The following TMEM108 variants were observed in gnomAD, a reference collection of about 807,000 sequenced individuals.
TMEM108 encodes the protein cancer/testis antigen 124.
A neutral mutation model predicts 35.1 loss-of-function variants in TMEM108; 12 were observed. The observed-to-expected ratio is 0.34, with a 90% CI of 0.22 to 0.55. The LOEUF (loss-of-function observed/expected upper bound fraction) is 0.55. TMEM108 is among the 20% of genes least tolerant of loss of function. The pLI, the probability that TMEM108 is intolerant of heterozygous loss-of-function variation, is 0.89. For synonymous variants in TMEM108, 287 were observed against 308.6 expected, an observed-to-expected ratio of 0.93 and a Z score of 0.73; for missense variants, 680 against 753.3, an observed-to-expected ratio of 0.90 and a Z score of 1.14.
In TMEM108 at chr3:133,115,505, A is replaced by G. The variant is rs1440688438; in HGVS notation, c.-47+69485A>G. On this transcript the variant is annotated intron_variant, in intron 2 of 5. Transcript: ENST00000321871. ...GGTGACTCCTTTCATAAAGCCAGTC[A>G]GCTAACAAGTTGAGAAGCTGGAATG... Among the ~76,000 whole-genome samples, 3 of 152,244 alleles carry G rather than the reference A, an allele frequency of 2.0e-5. No homozygotes were observed. The East Asian group carries it at 5.8e-4, about 29-fold the overall frequency.
chr3:133,303,855 C>G (rs770724542), intron 3 of TMEM108, among the ~76,000 whole-genome samples: 1 of 152,142 alleles, frequency 6.6e-6, no homozygotes, highest in Non-Finnish European at 1.5e-5. Flanking sequence ...CCTTCCTGCC[C>G]AAGCAGGAAA....
At chr3:133,171,257 A>G (rs945146335) in intron 2 of TMEM108, among the ~76,000 whole-genome samples, 3 of 152,236 alleles carry the variant, frequency 2.0e-5, no homozygotes, top group Non-Finnish European at 4.4e-5. Flanking sequence ...TTCAGAGAGT[A>G]TCAGTTTTGC....
intron 3 of TMEM108, among the ~76,000 whole-genome samples, chr3:133,373,941 T>C (rs544623802): frequency 1.1e-4 from 16 of 152,340 alleles, no homozygotes; most frequent in African/African-American, 3.8e-4. Flanking sequence ...GCCAGGGTCA[T>C]CTTGCAGGCT....
At chr3:133,181,289 C>T (rs1368861925) in intron 2 of TMEM108, among the ~76,000 whole-genome samples, 1 of 152,086 alleles carries the variant, frequency 6.6e-6, no homozygotes, top group Non-Finnish European at 1.5e-5. Flanking sequence ...CTTACCTATG[C>T]CCCATTACTC....
chr3:133,074,325 A>C (rs969049684), intron 2 of TMEM108: 4 of 152,138 alleles, frequency 2.6e-5, no homozygotes, highest in East Asian at 1.9e-4. Context: ...ATGCTTTTCA[A>C]CTTATGGTGG....
intron 3 of TMEM108, among the ~76,000 whole-genome samples, chr3:133,366,000 G>A (rs1325317719): frequency 6.6e-6 from 1 of 152,186 alleles, no homozygotes; most frequent in African/African-American, 2.4e-5. Flanking sequence ...GAAAAAAACA[G>A]TAATAGACTT....
At chr3:133,121,762 G>A (rs1179249761) in intron 2 of TMEM108, among the ~76,000 whole-genome samples, 1 of 152,132 alleles carries the variant, frequency 6.6e-6, no homozygotes, top group Non-Finnish European at 1.5e-5. Flanking sequence ...AGCATTCTGG[G>A]GTTTTATAAT....
At chr3:133,231,466 A>G (rs1278913720) in intron 3 of TMEM108, among the ~76,000 whole-genome samples, 2 of 152,188 alleles carry the variant, frequency 1.3e-5, no homozygotes, top group East Asian at 3.9e-4. Flanking sequence ...AGGTCATCTC[A>G]CATGGAAAGT....
intron 4 of TMEM108, chr3:133,388,849 A>G: frequency 1.0e-6 from 1 of 985,844 alleles, no homozygotes; most frequent in African/African-American, 1.7e-5. Flanking sequence ...ACACCCTGGC[A>G]TGAACCCACC....
At chr3:133,373,375 A>G in intron 3 of TMEM108, among the ~76,000 whole-genome samples, 1 of 136,180 alleles carries the variant, frequency 7.3e-6, no homozygotes, top group South Asian at 2.4e-4. Flanking sequence ...AGAAATTTAG[A>G]TAGATAGATG....
At chr3:133,247,756 A>T (rs185963800) in intron 3 of TMEM108, 1 of 152,276 alleles carries the variant, frequency 6.6e-6, no homozygotes, top group East Asian at 1.9e-4. Flanking sequence ...AGAATCTACT[A>T]TGTGCTAGGT....
At chr3:133,140,372 G>T (rs970004495) in intron 2 of TMEM108, among the ~76,000 whole-genome samples, 6 of 152,146 alleles carry the variant, frequency 3.9e-5, no homozygotes, top group Non-Finnish European at 8.8e-5. Flanking sequence ...TTGATTTAAT[G>T]AACACAGTCA....
At chr3:133,388,709 C>T (rs12631678) in intron 4 of TMEM108, 486,895 of 985,114 alleles carry the variant, frequency 0.49, 120,831 homozygotes, top group African/African-American at 0.6. Context: ...AGAGACCTTT[C>T]CAGGTTGAGA....
intron 3 of TMEM108, among the ~76,000 whole-genome samples, chr3:133,355,389 C>T (rs2072132619): frequency 6.6e-6 from 1 of 152,090 alleles, no homozygotes; most frequent in South Asian, 2.1e-4. Context: ...GTTACCATTG[C>T]CTGTGATGGG....
chr3:133,284,929 G>GT (rs201421804), intron 3 of TMEM108, among the ~76,000 whole-genome samples: 232 of 149,276 alleles, frequency 1.6e-3, no homozygotes, highest in Middle Eastern at 6.9e-3. Context: ...TTTGTTTTTT[G>GT]TTTTTTTTTA....
intron 2 of TMEM108, among the ~76,000 whole-genome samples, chr3:133,225,340 C>G (rs1366511715): frequency 6.6e-6 from 1 of 152,174 alleles, no homozygotes; most frequent in East Asian, 1.9e-4. Context: ...GCCACCGCGC[C>G]CAGCCCCTAA....
In TMEM108 at chr3:133,177,016, C is replaced by A. The variant is rs1945241927; in HGVS notation, c.-46-52250C>A. Among the ~76,000 whole-genome samples, 5 of 152,122 alleles carry A rather than the reference C, an allele frequency of 3.3e-5. No homozygotes were observed. The South Asian group carries it at 8.3e-4, about 25-fold the overall frequency. On this transcript the variant is annotated intron_variant, in intron 2 of 5. Transcript: ENST00000321871. Reference sequence around the variant, plus strand: ...CCAATCCCACAGAAATACAAACTACCATCAGAGAATACTATAAACACCTCT... The same window carrying A: ...CCAATCCCACAGAAATACAAACTACAATCAGAGAATACTATAAACACCTCT...
chr3:133,066,094 G>A (rs751941985), intron 2 of TMEM108, among the ~76,000 whole-genome samples: 2 of 151,972 alleles, frequency 1.3e-5, no homozygotes, highest in African/African-American at 2.4e-5. Flanking sequence ...TGGCCCAAAC[G>A]TGACATTCCT....
intron 3 of TMEM108, among the ~76,000 whole-genome samples, chr3:133,261,771 T>A (rs1025235146): frequency 6.6e-6 from 1 of 152,176 alleles, no homozygotes; most frequent in South Asian, 2.1e-4. Flanking sequence ...TCACACAAAA[T>A]GATCTGCAGG....
Sources: gnomAD v4.1 joint callset for allele counts (sites outside exome capture counted in the v4.1 genomes callset) on GRCh38, gnomAD v4.1.1 for gene constraint, MANE v1.5 for transcripts, NCBI Gene and HGNC (gene_info 2026-07-23, HGNC 2026-07-21) for gene names.